The following SSBP2 variants were observed in gnomAD, a reference collection of about 807,000 sequenced individuals.
SSBP2 encodes single stranded DNA binding protein 2, also known as single-stranded DNA-binding protein 2.
A neutral mutation model predicts 61.8 loss-of-function variants in SSBP2; 17 were observed. The observed-to-expected ratio is 0.28, with a 90% confidence interval of 0.19 to 0.41. SSBP2 has a LOEUF of 0.41. Among genes scored for constraint, SSBP2 ranks in the 10% least tolerant of loss-of-function variants. SSBP2 has a pLI of 1.00. For synonymous variants in SSBP2, 139 were observed against 141.3 expected (o/e 0.98, Z 0.12); for missense variants, 310 against 458.7 (o/e 0.68, Z 2.96).
chr5:81,672,758 G>A (rs1359981313), intron 1 of SSBP2, among the ~76,000 whole-genome samples: 2 of 151,946 alleles, frequency 1.3e-5, no homozygotes, highest in East Asian at 3.9e-4. Flanking sequence ...ATTTTTAGTA[G>A]AGACGGGATT....
intron 1 of SSBP2, among the ~76,000 whole-genome samples, chr5:81,681,564 A>G (rs1752390263): frequency 6.6e-6 from 1 of 151,772 alleles, no homozygotes; most frequent in Non-Finnish European, 1.5e-5. Context: ...AAATTTGTGA[A>G]ATGTACCAAA....
chr5:81,750,090 A>AGCC (rs1245957427), intron 1 of SSBP2, among the ~76,000 whole-genome samples: 1 of 149,728 alleles, frequency 6.7e-6, no homozygotes. Context: ...AAAGTTCGCC[A>AGCC]GCCGCCGCCG....
chr5:81,459,373 G>A (rs919063567), intron 10 of SSBP2, among the ~76,000 whole-genome samples: 2 of 152,150 alleles, frequency 1.3e-5, no homozygotes, highest in Non-Finnish European at 2.9e-5. Context: ...TAGGTGCCTT[G>A]TGGGAGATAT....
At chr5:81,490,347 A>AT (rs1466804761) in intron 5 of SSBP2, among the ~76,000 whole-genome samples, 1 of 152,012 alleles carries the variant, frequency 6.6e-6, no homozygotes, top group Non-Finnish European at 1.5e-5. Flanking sequence ...TTAAAATTTG[A>AT]TTTTTTATTT....
chr5:81,670,423 C>G (rs1021006831), intron 1 of SSBP2, among the ~76,000 whole-genome samples: 2 of 152,148 alleles, frequency 1.3e-5, no homozygotes, highest in East Asian at 1.9e-4. Flanking sequence ...AAAAAAATTT[C>G]TAAACTTAGT....
chr5:81,599,794 C>T (rs1744159780), intron 4 of SSBP2, among the ~76,000 whole-genome samples: 1 of 152,202 alleles, frequency 6.6e-6, no homozygotes, highest in African/African-American at 2.4e-5. Context: ...GGAATGAGGC[C>T]TCAATTTTTC....
At chr5:81,712,412 T>C (rs1754855454) in intron 1 of SSBP2, among the ~76,000 whole-genome samples, 1 of 48,558 alleles carries the variant, frequency 2.1e-5, no homozygotes, top group African/African-American at 9.2e-5. Context: ...CCATCCTGGC[T>C]AACAAGGTGA....
intron 16 of SSBP2, 68 bp downstream of exon 16, chr5:81,428,517 T>G: frequency 8.1e-7 from 1 of 1,229,932 alleles, no homozygotes; most frequent in Non-Finnish European, 1.2e-6. Context: ...AGTGGCTTTA[T>G]GCATTTATTC....
intron 1 of SSBP2, among the ~76,000 whole-genome samples, chr5:81,658,317 G>C (rs866462623): frequency 6.6e-6 from 1 of 152,128 alleles, no homozygotes; most frequent in Admixed American, 6.6e-5. Flanking sequence ...TGTGGGTTCC[G>C]TGTGGTTGGA....
chr5:81,593,186 T>C (rs918276519), intron 4 of SSBP2, among the ~76,000 whole-genome samples: 1 of 151,994 alleles, frequency 6.6e-6, no homozygotes. Flanking sequence ...GAGAGCTACA[T>C]GACAAATGCA....
chr5:81,423,354 T>C (rs1041659833), intron 16 of SSBP2, among the ~76,000 whole-genome samples: 1 of 152,224 alleles, frequency 6.6e-6, no homozygotes, highest in African/African-American at 2.4e-5. Flanking sequence ...ATCATTCTTT[T>C]AAAACAAAGA....
At chr5:81,704,706 G>A (rs1360605270) in intron 1 of SSBP2, among the ~76,000 whole-genome samples, 1 of 140,716 alleles carries the variant, frequency 7.1e-6, no homozygotes, top group East Asian at 2.2e-4. Flanking sequence ...TGAGGCAGGA[G>A]AACCGCTTGA....
At chr5:81,615,257 A>T (rs1158991162) in intron 4 of SSBP2, 2 of 442,148 alleles carry the variant, frequency 4.5e-6, no homozygotes, top group Non-Finnish European at 8.0e-6. Context: ...TTAATAGCTT[A>T]GAATTAGGCC....
chr5:81,635,166 C>T (rs1156272857), intron 3 of SSBP2, among the ~76,000 whole-genome samples: 1 of 151,682 alleles, frequency 6.6e-6, no homozygotes, highest in Non-Finnish European at 1.5e-5. Context: ...ATACCACTAC[C>T]ATGTGGCAGA....
intron 1 of SSBP2, among the ~76,000 whole-genome samples, chr5:81,658,758 G>C (rs576834230): frequency 1.1e-4 from 16 of 151,908 alleles, no homozygotes; most frequent in Non-Finnish European, 2.2e-4. Context: ...ACATCGATGC[G>C]AAAATCCTCA....
At chr5:81,511,789 T>C (rs927769449) in intron 5 of SSBP2, among the ~76,000 whole-genome samples, 27 of 152,316 alleles carry the variant, frequency 1.8e-4, no homozygotes, top group African/African-American at 6.3e-4. Flanking sequence ...ACAATAAGCT[T>C]CAGGAAGGTA....
chr5:81,738,632 C>T (rs1756786508), intron 1 of SSBP2, among the ~76,000 whole-genome samples: 1 of 152,174 alleles, frequency 6.6e-6, no homozygotes, highest in Admixed American at 6.5e-5. Context: ...CTTCTACCAA[C>T]AATTGCAGCC....
intron 2 of SSBP2, among the ~76,000 whole-genome samples, chr5:81,643,277 C>T (rs1748954154): frequency 1.3e-5 from 2 of 152,282 alleles, no homozygotes; most frequent in South Asian, 4.1e-4. Context: ...TCCAACAATG[C>T]AGCAGCAGGT....
Position 81,740,861 on chromosome 5 carries a change from A to G in SSBP2, c.62+10120T>C, listed in dbSNP as rs1418976684. Among the ~76,000 whole-genome samples the G allele has an allele frequency of 2.6e-5, 4 of 152,188 alleles. No homozygotes were observed. In the East Asian group the frequency reaches 5.8e-4, roughly 22 times the overall value. Reference sequence around the variant, plus strand: ...TATCTGTGGGGCACTTTTGGTACCTATAATACTATCCACCTTTTTAGCAGC... The same window carrying G: ...TATCTGTGGGGCACTTTTGGTACCTGTAATACTATCCACCTTTTTAGCAGC... On this transcript the variant is annotated intron_variant, in intron 1 of 16. Transcript: ENST00000320672.
Sources: allele counts gnomAD v4.1 joint callset (sites outside exome capture counted in the v4.1 genomes callset), GRCh38; gene constraint gnomAD v4.1.1; transcripts MANE v1.5; gene names NCBI Gene and HGNC (gene_info 2026-07-23, HGNC 2026-07-21).